Variants in IDE observed in about 807,000 individuals in gnomAD.
The protein encoded by IDE is insulin-degrading enzyme.
IDE carries 58 observed loss-of-function variants against 133.2 expected under a neutral mutation model. That is an observed-to-expected ratio of 0.44 (90% CI 0.35 to 0.54). IDE has a LOEUF of 0.54. Among genes scored for constraint, IDE ranks in the 20% least tolerant of loss-of-function variants. The pLI is 0.00. For synonymous variants in IDE, 396 were observed against 421.3 expected (o/e 0.94, Z 0.73); for missense variants, 981 against 1,234.0 (o/e 0.79, Z 3.07).
At chr10:92,522,791 C>T (rs1269744154) in intron 4 of IDE, among the ~76,000 whole-genome samples, 3 of 152,108 alleles carry the variant, frequency 2.0e-5, no homozygotes, top group African/African-American at 7.2e-5. Context: ...TGAGCATCTA[C>T]CTACTGGGGT....
At chr10:92,485,125 C>CTTTTTTTTTTTTTTTTTTTTTTTTTT (rs34615998) in intron 13 of IDE, among the ~76,000 whole-genome samples, 1 of 100,860 alleles carries the variant, frequency 9.9e-6, no homozygotes, top group African/African-American at 3.9e-5. Context: ...TTCTTTCTTT[C>CTTTTTTTTTTTTTTTTTTTTTTTTTT]TTTTTTTTTT....
At chr10:92,504,629 T>C (rs952853885) in intron 11 of IDE, among the ~76,000 whole-genome samples, 165 bp downstream of exon 11, 3 of 152,172 alleles carry the variant, frequency 2.0e-5, no homozygotes, top group East Asian at 3.8e-4. Context: ...AGACTGGCCA[T>C]GTATCAATGG....
In IDE at chr10:92,564,671, CAAAAAAAAAAAAAAAAAAAAAAA is replaced by C. The variant is rs532861372; in HGVS notation, c.98+9228_98+9250del. ...CCTGGGCGATAAAGCGAGACTGTCT[CAAAAAAAAAAAAAAAAAAAAAAA>C]AAAAAAAAAAAAAAAACTGAAACTG... On this transcript the variant is annotated intron_variant, in intron 1 of 24. Transcript: ENST00000265986. 1.6e-3 allele frequency among the ~76,000 whole-genome samples: 52 copies of C among 31,586 alleles called. 3 individuals are homozygous for C. In the South Asian group the frequency reaches 0.033, roughly 20 times the overall value. The allele number at this position is 31,586 out of a possible 152,430, so 20.7% of individuals were successfully genotyped here.
intron 4 of IDE, among the ~76,000 whole-genome samples, chr10:92,520,876 A>T (rs1589464208): frequency 6.6e-6 from 1 of 152,194 alleles, no homozygotes; most frequent in Non-Finnish European, 1.5e-5. Flanking sequence ...ACGAGAAAAA[A>T]GATAGTAACA....
Position 92,465,513 on chromosome 10 carries a change from C to T in IDE, c.2488+163G>A, listed in dbSNP as rs560790879. On this transcript the variant is annotated intron_variant, in intron 20 of 24. Transcript: ENST00000265986. ...TTTAATGTCCATAAGATAGTGATTGCTTATCTTTTAGAAGTGGATTCTCTG... is the reference window on the plus strand; with the variant it reads ...TTTAATGTCCATAAGATAGTGATTGTTTATCTTTTAGAAGTGGATTCTCTG... 5.3e-5 allele frequency among the ~76,000 whole-genome samples: 8 copies of T among 152,270 alleles called. No homozygotes were observed. In the East Asian group the frequency reaches 1.5e-3, roughly 29 times the overall value.
chr10:92,546,709 T>C (rs1842546483), intron 1 of IDE, among the ~76,000 whole-genome samples: 1 of 152,234 alleles, frequency 6.6e-6, no homozygotes, highest in Admixed American at 6.5e-5. Context: ...ATGCTAAATC[T>C]TTTAACTCAG....
chr10:92,454,660 T>C (rs1844897260), intron 24 of IDE, 121 bp from the exon 25 acceptor site: 4 of 706,162 alleles, frequency 5.7e-6, no homozygotes, highest in Non-Finnish European at 1.0e-5. Flanking sequence ...GTTTTTTTGT[T>C]TTGGCTTGAG....
At chr10:92,504,967 T>G in intron 10 of IDE, 70 bp from the exon 11 acceptor site, 7 of 717,466 alleles carry the variant, frequency 9.8e-6, no homozygotes, top group South Asian at 1.9e-5. Flanking sequence ...AGCAGATCTG[T>G]AACACATTAA....
Position 92,465,717 on chromosome 10 carries a change from G to C in IDE, c.2447C>G (p.Ser816Trp). The change falls in exon 20 of 25, where the codon TCG becomes TGG. Residue 816 changes from serine (S) to tryptophan (W), a missense_variant. This residue lies in a region of IDE where 660 missense variants were observed against 894.7 expected (regional missense o/e 0.74). Coordinates refer to ENST00000265986, the MANE Select transcript of IDE (RefSeq NM_004969.4). ...GCGCAGGGTGTTGAAGCAAGGTTCC[G>C]AGATAATCTGACAGAAGAGCTCCAG... ...MFLELFCQII[S>W]EPCFNTLRTK... The C allele has an allele frequency of 6.2e-7, 1 of 1,613,956 alleles. No homozygotes were observed. Among genetic ancestry groups the C allele is most frequent in the South Asian group, 1.1e-5 (1 of 91,072 alleles).
At chr10:92,541,148 A>G in intron 1 of IDE, 1 of 272,394 alleles carries the variant, frequency 3.7e-6, no homozygotes, top group South Asian at 3.3e-5. Context: ...TCCCTAATCA[A>G]ATATCATGAC....
At chr10:92,552,017 C>A (rs1842806666) in intron 1 of IDE, among the ~76,000 whole-genome samples, 1 of 152,042 alleles carries the variant, frequency 6.6e-6, no homozygotes, top group Non-Finnish European at 1.5e-5. Context: ...GTTACATATT[C>A]TTTATCACAA....
Position 92,490,594 on chromosome 10 carries a change from C to A in IDE, c.1432G>T (p.Val478Phe), listed in dbSNP as rs530609089. Residue 478 changes from valine (V) to phenylalanine (F), a missense_variant and splice_region_variant, in exon 12 of 25, where the codon GTT becomes TTT. By Grantham distance (50) the Val-to-Phe change is conservative. Coordinates refer to ENST00000265986, the MANE Select transcript of IDE (RefSeq NM_004969.4). ...LDKLRPENVR[V>F]AIVSKSFEGK... The stretch of plus-strand genomic sequence containing the variant: ...TCAAAAGATTTAGAAACTATGGCAA[C>A]CCTAGAGATAGAAAAAACAAACAAA... The A allele has an allele frequency of 2.5e-6, 4 of 1,589,088 alleles. No individual in the cohort carries two copies. The South Asian group carries it at 3.3e-5, about 13-fold the overall frequency.
In IDE at chr10:92,500,025, C is replaced by T. The variant is rs532429960; in HGVS notation, c.1430+4769G>A. ...ATAAAATCAACTGACTGGCCGGGTG[C>T]AGTGGCTCATGCCTGTAATCCCAGC... On this transcript the variant is annotated intron_variant, in intron 11 of 24. Transcript: ENST00000265986. 2.0e-3 allele frequency among the ~76,000 whole-genome samples: 308 copies of T among 152,266 alleles called. 1 individual carries two copies. In the Middle Eastern group the frequency reaches 0.034, roughly 17 times the overall value.
intron 13 of IDE, 127 bp from the exon 14 acceptor site, chr10:92,483,464 C>A: frequency 1.6e-6 from 1 of 628,690 alleles, no homozygotes; most frequent in Non-Finnish European, 2.9e-6. Context: ...GTTGCTGTCC[C>A]ATGGGCCTTG....
chr10:92,469,454 G>A (rs1460740811), intron 18 of IDE, among the ~76,000 whole-genome samples: 11 of 151,684 alleles, frequency 7.3e-5, no homozygotes, highest in Admixed American at 6.6e-4. Flanking sequence ...TTTGAGACAG[G>A]GTTTCGTTCT....
chr10:92,483,986 A>G (rs1846786656), intron 13 of IDE, among the ~76,000 whole-genome samples: 1 of 152,154 alleles, frequency 6.6e-6, no homozygotes, highest in Non-Finnish European at 1.5e-5. Flanking sequence ...TGAACTTGGA[A>G]GAGAATTCTC....
chr10:92,514,842 C>T (rs978404008), intron 5 of IDE, 78 bp downstream of exon 5: 2 of 1,172,234 alleles, frequency 1.7e-6, no homozygotes, highest in Admixed American at 2.1e-5. Flanking sequence ...ATCTTATATC[C>T]ATCTTCTAAC....
intron 21 of IDE, among the ~76,000 whole-genome samples, chr10:92,462,554 CGGA>C (rs774698329): frequency 1.1e-4 from 17 of 151,898 alleles, no homozygotes; most frequent in Non-Finnish European, 2.1e-4. Flanking sequence ...TGCGGTGAGC[CGGA>C]GATCGTGCCA....
chr10:92,533,237 C>A (rs532880744), intron 3 of IDE, among the ~76,000 whole-genome samples: 8 of 152,296 alleles, frequency 5.3e-5, no homozygotes, highest in African/African-American at 1.9e-4. Context: ...ATATGAACAT[C>A]TGCTGCAGCA....
Sources: gnomAD v4.1 joint callset for allele counts (sites outside exome capture counted in the v4.1 genomes callset) on GRCh38, gnomAD v4.1.1 for gene constraint, gnomAD v4.1.1 regional missense constraint, MANE v1.5 for transcripts, NCBI Gene and HGNC (gene_info 2026-07-23, HGNC 2026-07-21) for gene names.